The following DOCK2 variants were observed in gnomAD, a reference collection of about 807,000 sequenced individuals.
DOCK2 encodes dedicator of cytokinesis 2.
In DOCK2, 87 loss-of-function variants were observed where a neutral mutation model predicts 248.9. The observed-to-expected ratio is 0.35, with a 90% CI of 0.29 to 0.42. The LOEUF is 0.42. Ranked by LOEUF, DOCK2 falls within the 10% of genes least tolerant of loss-of-function variation. The probability of loss-of-function intolerance (pLI) is 1.00; values close to 1 mark genes in which losing one functional copy is unlikely to be tolerated. For synonymous variants in DOCK2, 805 were observed against 821.6 expected, an observed-to-expected ratio of 0.98 and a Z score of 0.35; for missense variants, 1,747 against 2,300.2, an observed-to-expected ratio of 0.76 and a Z score of 4.92.
chr5:169,997,115 G>A (rs1209407965), intron 30 of DOCK2, among the ~76,000 whole-genome samples: 2 of 151,388 alleles, frequency 1.3e-5, no homozygotes, highest in Non-Finnish European at 2.9e-5. Flanking sequence ...TGTGGGGAGA[G>A]GGTCAGCAGA....
intron 38 of DOCK2, among the ~76,000 whole-genome samples, chr5:170,042,530 C>T (rs1756555432): frequency 6.6e-6 from 1 of 152,224 alleles, no homozygotes. Flanking sequence ...TGAGCTGTGC[C>T]CTGGCTGCCT....
At chr5:169,920,082 T>C (rs1169647696) in intron 27 of DOCK2, among the ~76,000 whole-genome samples, 5 of 152,190 alleles carry the variant, frequency 3.3e-5, no homozygotes, top group African/African-American at 9.7e-5. Context: ...TGATTTTATC[T>C]CCGGTGAATA....
intron 33 of DOCK2, among the ~76,000 whole-genome samples, chr5:170,023,408 C>T (rs1755798041): frequency 6.6e-6 from 1 of 152,116 alleles, no homozygotes; most frequent in Admixed American, 6.5e-5. Flanking sequence ...GAAAAGATTA[C>T]ATCAATTCAA....
intron 25 of DOCK2, among the ~76,000 whole-genome samples, chr5:169,800,131 T>C (rs1393323941): frequency 6.6e-6 from 1 of 152,200 alleles, no homozygotes; most frequent in Non-Finnish European, 1.5e-5. Context: ...TCCAAATTTC[T>C]CATAAAGTGT....
intron 27 of DOCK2, among the ~76,000 whole-genome samples, chr5:169,923,085 C>A (rs190725984): frequency 6.6e-6 from 1 of 152,314 alleles, no homozygotes; most frequent in East Asian, 1.9e-4. Context: ...GAGCCACCAC[C>A]TCATGGAACC....
chr5:169,681,657 T>A, intron 6 of DOCK2, 87 bp from the exon 7 acceptor site: 1 of 1,529,788 alleles, frequency 6.5e-7, no homozygotes, highest in Non-Finnish European at 8.9e-7. Context: ...CCCCCAGAAA[T>A]CAGCTGAACT....
intron 34 of DOCK2, among the ~76,000 whole-genome samples, chr5:170,032,317 C>T (rs759373036): frequency 7.9e-5 from 12 of 152,236 alleles, no homozygotes; most frequent in Non-Finnish European, 1.0e-4. Context: ...TGAGCCACCG[C>T]GCCTGGCCCC....
At chr5:169,834,715 C>G (rs920189632) in intron 26 of DOCK2, among the ~76,000 whole-genome samples, 1 of 152,042 alleles carries the variant, frequency 6.6e-6, no homozygotes, top group South Asian at 2.1e-4. Flanking sequence ...CCAGATCACC[C>G]TGCAATAAGC....
intron 34 of DOCK2, among the ~76,000 whole-genome samples, chr5:170,033,590 G>A (rs548981998): frequency 1.3e-5 from 2 of 152,232 alleles, no homozygotes; most frequent in South Asian, 2.1e-4. Flanking sequence ...CGGATGCTGG[G>A]GCCAGACTTT....
At chr5:169,789,244 C>T (rs1445629316) in intron 25 of DOCK2, among the ~76,000 whole-genome samples, 1 of 152,136 alleles carries the variant, frequency 6.6e-6, no homozygotes, top group African/African-American at 2.4e-5. Flanking sequence ...TTTTGTTTAT[C>T]CAGTCTTTTA....
At chr5:169,788,854 T>C (rs935099352) in intron 25 of DOCK2, among the ~76,000 whole-genome samples, 1 of 152,176 alleles carries the variant, frequency 6.6e-6, no homozygotes, top group Non-Finnish European at 1.5e-5. Context: ...TAACTTTTAT[T>C]TGAAGTTCAG....
chr5:169,758,137 G>C (rs1217794155), intron 23 of DOCK2, among the ~76,000 whole-genome samples: 2 of 152,300 alleles, frequency 1.3e-5, no homozygotes, highest in South Asian at 4.1e-4. Context: ...GCTGAAGAAG[G>C]TATAATGTAC....
At chr5:169,914,555 G>A (rs1193007289) in intron 27 of DOCK2, among the ~76,000 whole-genome samples, 3 of 152,216 alleles carry the variant, frequency 2.0e-5, no homozygotes, top group Non-Finnish European at 4.4e-5. Flanking sequence ...GCAGATATGG[G>A]AAATGGTTAT....
intron 26 of DOCK2, among the ~76,000 whole-genome samples, chr5:169,836,115 A>G (rs1769568582): frequency 6.6e-6 from 1 of 152,216 alleles, no homozygotes; most frequent in African/African-American, 2.4e-5. Flanking sequence ...TATAACTTTG[A>G]TAAAAATAAA....
At chr5:170,038,194 G>A (rs11949698) in intron 36 of DOCK2, among the ~76,000 whole-genome samples, 7,347 of 152,128 alleles carry the variant, frequency 0.048, 374 homozygotes, top group African/African-American at 0.13. Flanking sequence ...GAATGTTTCC[G>A]TCCTACCTTC....
chr5:169,787,950 AG>A (rs1269388299), intron 25 of DOCK2, among the ~76,000 whole-genome samples: 2 of 151,816 alleles, frequency 1.3e-5, no homozygotes, highest in East Asian at 3.9e-4. Context: ...TTTTTTTTGT[AG>A]GGGGCAGCCG....
chr5:169,847,401 G>C (rs1288787454), intron 27 of DOCK2, among the ~76,000 whole-genome samples: 1 of 152,126 alleles, frequency 6.6e-6, no homozygotes, highest in African/African-American at 2.4e-5. Flanking sequence ...GCAGGAGTAA[G>C]GTGGTATCTT....
chr5:170,064,727 A>G (rs1389862889), intron 44 of DOCK2, among the ~76,000 whole-genome samples: 1 of 152,162 alleles, frequency 6.6e-6, no homozygotes, highest in Non-Finnish European at 1.5e-5. Flanking sequence ...TCCCAAATCT[A>G]GAAAAGAAAC....
intron 46 of DOCK2, 188 bp from the exon 47 acceptor site, chr5:170,075,759 C>T (rs899886305): frequency 1.4e-6 from 1 of 732,922 alleles, no homozygotes; most frequent in Non-Finnish European, 2.2e-6. Context: ...CTTTCCAGAG[C>T]AAACCTCATG....
Sources: gnomAD v4.1 joint callset for allele counts (sites outside exome capture counted in the v4.1 genomes callset) on GRCh38, gnomAD v4.1.1 for gene constraint, MANE v1.5 for transcripts, NCBI Gene and HGNC (gene_info 2026-07-23, HGNC 2026-07-21) for gene names.